The following ZNF330 variants were observed in gnomAD, a reference collection of about 807,000 sequenced individuals.
ZNF330 encodes zinc finger protein 330.
ZNF330 carries 31 observed loss-of-function variants against 45.5 expected under a neutral mutation model. The ratio of observed to expected loss-of-function variants is 0.68; its 90% CI spans 0.51 to 0.92. The LOEUF (loss-of-function observed/expected upper bound fraction) is 0.92. Among genes scored for constraint, ZNF330 ranks in the 40% least tolerant of loss-of-function variants. The pLI is 0.00. For missense variants in ZNF330, 356 were observed against 387.4 expected (o/e 0.92, Z 0.68); for synonymous variants, 138 against 123.2 (o/e 1.12, Z -0.79).
At chr4:141,233,584 T>G in intron 9 of ZNF330, 131 bp from the exon 10 acceptor site, 1 of 1,405,420 alleles carries the variant, frequency 7.1e-7, no homozygotes, top group Non-Finnish European at 9.4e-7. Flanking sequence ...GTGAAAAAAT[T>G]AGGAAAATGT....
chr4:141,224,407 C>A, intron 2 of ZNF330, 80 bp from the exon 3 acceptor site: 3 of 1,332,314 alleles, frequency 2.3e-6, no homozygotes, highest in Non-Finnish European at 3.2e-6. Context: ...ACCTGAAAAG[C>A]AGGTTATTCT....
At chr4:141,230,683 A>G (rs1560788008) in intron 7 of ZNF330, among the ~76,000 whole-genome samples, 1 of 152,130 alleles carries the variant, frequency 6.6e-6, no homozygotes, top group East Asian at 1.9e-4. Context: ...CTTAGACAGG[A>G]CTGTATATCA....
At chr4:141,229,788 A>G in intron 6 of ZNF330, 91 bp downstream of exon 6, 1 of 1,506,412 alleles carries the variant, frequency 6.6e-7, no homozygotes, top group Non-Finnish European at 9.1e-7. Flanking sequence ...TTTTTTCAGG[A>G]TACTGTCAAT....
rs1425573466 is a variant in ZNF330 at position 141,230,467 on chromosome 4, A to C, written c.523+197A>C. Among the ~76,000 whole-genome samples, 3 of 152,138 alleles carry C rather than the reference A, an allele frequency of 2.0e-5. No individual in the cohort carries two copies. In the East Asian group the frequency reaches 5.8e-4, roughly 29 times the overall value. On this transcript the variant is annotated intron_variant, in intron 7 of 9. Coordinates refer to ENST00000262990, the MANE Select transcript of ZNF330 (RefSeq NM_014487.6). Reference sequence around the variant, plus strand: ...ATTTTTCAGCAGGGATGCCAGTGGCATATTGGTTGGGCCAGTTTTTCATTT... The same window carrying C: ...ATTTTTCAGCAGGGATGCCAGTGGCCTATTGGTTGGGCCAGTTTTTCATTT...
chr4:141,223,874 A>G (rs1728742368), intron 2 of ZNF330: 3 of 448,194 alleles, frequency 6.7e-6, no homozygotes, highest in African/African-American at 2.0e-5. Flanking sequence ...TTTCAGGGAA[A>G]AGTGTTCGAA....
intron 2 of ZNF330, 129 bp from the exon 3 acceptor site, chr4:141,224,358 G>A: frequency 1.3e-6 from 1 of 781,718 alleles, no homozygotes; most frequent in Non-Finnish European, 2.2e-6. Context: ...GTATACATGG[G>A]TGGAGTTGGG....
intron 1 of ZNF330, among the ~76,000 whole-genome samples, chr4:141,221,378 A>G (rs1728673047): frequency 1.3e-5 from 2 of 152,334 alleles, no homozygotes; most frequent in South Asian, 4.1e-4. Flanking sequence ...GTGCAGAACA[A>G]ACTGGAGGGA....
At chr4:141,224,757 A>AT in intron 4 of ZNF330, 80 bp downstream of exon 4, 1 of 1,200,776 alleles carries the variant, frequency 8.3e-7, no homozygotes, top group South Asian at 1.2e-5. Context: ...GTTTGTTGCT[A>AT]TTGGTTACAG....
rs766394869 is a variant in ZNF330 at position 141,232,561 on chromosome 4, T to A, written c.607T>A (p.Phe203Ile). ...FCDDHTRSKV[F>I]KQEKGKQPPC... ...TGATGATCATACAAGGAGCAAAGTG[T>A]TTAAGCAAGAAAAAGGAAAACAGCC... The change falls in exon 9 of 10, where the codon TTT becomes ATT. Residue 203 changes from phenylalanine to isoleucine, a missense_variant. Coordinates refer to ENST00000262990, the MANE Select transcript of ZNF330 (RefSeq NM_014487.6). 1.2e-6 allele frequency: 2 copies of A among 1,600,768 alleles called. No individual in the cohort carries two copies. Among genetic ancestry groups the A allele is most frequent in the Admixed American group, 1.7e-5 (1 of 58,548 alleles).
rs1218610196 is a variant in ZNF330, at chr4:141,221,127, G to A, written c.-7+19G>A. ...GCACGAGGTAGGGTGTCCCGCGGGC[G>A]GGTGACGGTTGCGGGTCCCCGTTGC... On this transcript the variant is annotated intron_variant, in intron 1 of 9. Coordinates refer to ENST00000262990, the MANE Select transcript of ZNF330 (RefSeq NM_014487.6). 2 of 152,264 alleles carry A rather than the reference G, an allele frequency of 1.3e-5. No homozygotes were observed. The highest frequency in any genetic ancestry group is 2.9e-5 in the Non-Finnish European group (2 of 68,066). 9.4% of individuals were successfully genotyped at this position (152,264 alleles called of 1,614,324 possible). A position where few individuals can be genotyped will look rare whatever the true frequency, so the allele number is the denominator to read the frequency against.
chr4:141,230,174 A>C lies in ZNF330; in HGVS notation c.427A>C (p.Ile143Leu), dbSNP rs147309681. ...ERGVWDHGGR[I>L]FSCSFCHNFL... ...TTTTTTTAATCCAATAGGAGGCAGAATATTCAGTTGTTCTTTTTGCCATAA... is the reference window on the plus strand; with the variant it reads ...TTTTTTTAATCCAATAGGAGGCAGACTATTCAGTTGTTCTTTTTGCCATAA... The change falls in exon 7 of 10, where the codon ATA (isoleucine) becomes CTA (leucine). Residue 143 changes from isoleucine to leucine, a missense_variant. Coordinates refer to ENST00000262990, the MANE Select transcript of ZNF330 (RefSeq NM_014487.6). The C allele has an allele frequency of 3.1e-6, 5 of 1,605,256 alleles. No homozygotes were observed. The highest frequency in any genetic ancestry group is 4.3e-6 in the Non-Finnish European group (5 of 1,175,498).
At chr4:141,229,799 C>A in intron 6 of ZNF330, 102 bp downstream of exon 6, 1 of 1,408,360 alleles carries the variant, frequency 7.1e-7, no homozygotes, top group Non-Finnish European at 9.9e-7. Context: ...TACTGTCAAT[C>A]CTAACTACTG....
intron 6 of ZNF330, 74 bp downstream of exon 6, chr4:141,229,771 T>C (rs1728905584): frequency 6.3e-7 from 1 of 1,589,652 alleles, no homozygotes; most frequent in Non-Finnish European, 8.6e-7. Flanking sequence ...AATGCTGTTT[T>C]TGAGATTTTT....
chr4:141,223,816 C>G (rs1213861949), intron 2 of ZNF330: 3 of 455,360 alleles, frequency 6.6e-6, no homozygotes, highest in African/African-American at 2.0e-5. Flanking sequence ...GTACACTTCA[C>G]AGAAGAGGTG....
intron 1 of ZNF330, among the ~76,000 whole-genome samples, chr4:141,221,856 G>A (rs1176145378): frequency 2.6e-5 from 4 of 152,062 alleles, no homozygotes; most frequent in African/African-American, 9.7e-5. Context: ...AATAAATAGT[G>A]TTATTTGTTG....
At position 141,234,025 on chromosome 4, in the gene ZNF330, GGAGT is replaced by G. The variant is rs2111263101; in HGVS notation, c.*42_*45del. 2 of 1,580,706 alleles carry G rather than the reference GGAGT, an allele frequency of 1.3e-6. No individual in the cohort carries two copies. Among genetic ancestry groups the G allele is most frequent in the Non-Finnish European group, 1.7e-6 (2 of 1,164,298 alleles). ...CTGGTGGCCGTGTGTGAGAGGAGCA[GGAGT>G]GAGTGTGTGTGCTTGATGAATTGTG... is the stretch of plus-strand genomic sequence containing the variant. On this transcript the variant is annotated 3_prime_UTR_variant, in exon 10 of 10. Transcript: ENST00000262990.
intron 2 of ZNF330, 24 bp downstream of exon 2, chr4:141,222,515 T>C (rs375103227): frequency 6.2e-7 from 1 of 1,602,210 alleles, no homozygotes; most frequent in Admixed American, 1.8e-5. Flanking sequence ...TTGATATCAG[T>C]TGGTAGTTGG....
chr4:141,223,581 G>A (rs578180853), intron 2 of ZNF330, among the ~76,000 whole-genome samples: 7 of 152,170 alleles, frequency 4.6e-5, no homozygotes, highest in Non-Finnish European at 1.0e-4. Flanking sequence ...CCTGTCCCAG[G>A]GCTAACATTT....
At position 141,231,441 on chromosome 4, in the gene ZNF330, G is replaced by GT. The variant is rs1728953402; in HGVS notation, c.529dup (p.Ser177PhefsTer14). ...TAAAATTAATCTATTTCCCACAGGTGTTTCATGCAATCGGCTTGGTCAGCA... is the reference window on the plus strand; with the variant it reads ...TAAAATTAATCTATTTCCCACAGGTGTTTTCATGCAATCGGCTTGGTCAGCA... On this transcript the variant is annotated frameshift_variant, in exon 8 of 10. Coordinates refer to ENST00000262990, the MANE Select transcript of ZNF330 (RefSeq NM_014487.6). LOFTEE classifies it high-confidence loss of function. The GT allele has an allele frequency of 6.3e-7, 1 of 1,596,448 alleles. No homozygotes were observed. The highest frequency in any genetic ancestry group is 8.5e-7 in the Non-Finnish European group (1 of 1,173,666).
Sources: allele counts gnomAD v4.1 joint callset (sites outside exome capture counted in the v4.1 genomes callset), GRCh38; gene constraint gnomAD v4.1.1; transcripts MANE v1.5; gene names NCBI Gene and HGNC (gene_info 2026-07-23, HGNC 2026-07-21).